The following OSBPL1A variants were observed in gnomAD, a reference collection of about 807,000 sequenced individuals.
OSBPL1A encodes oxysterol-binding protein-related protein 1.
A neutral mutation model predicts 137.1 loss-of-function variants in OSBPL1A; 80 were observed. That is an observed-to-expected ratio of 0.58 (90% CI 0.49 to 0.70). The LOEUF is 0.70. OSBPL1A is among the 30% of genes least tolerant of loss of function. The pLI is 0.00. For synonymous variants in OSBPL1A, 365 were observed against 389.7 expected, an observed-to-expected ratio of 0.94 and a Z score of 0.75; for missense variants, 970 against 1,129.4, an observed-to-expected ratio of 0.86 and a Z score of 2.02.
chr18:24,365,033 A>C (rs1599719082), intron 4 of OSBPL1A, among the ~76,000 whole-genome samples: 2 of 150,214 alleles, frequency 1.3e-5, no homozygotes, highest in Admixed American at 6.6e-5. Context: ...AACAAAAAAA[A>C]AAAAAAAAAA....
At chr18:24,211,865 C>G (rs1367911575) in intron 17 of OSBPL1A, among the ~76,000 whole-genome samples, 1 of 150,348 alleles carries the variant, frequency 6.7e-6, no homozygotes, top group East Asian at 2.0e-4. Flanking sequence ...CGGGAGATTG[C>G]ACCATTGCAC....
At chr18:24,176,831 C>G (rs1264908610) in intron 21 of OSBPL1A, among the ~76,000 whole-genome samples, 1 of 152,166 alleles carries the variant, frequency 6.6e-6, no homozygotes, top group Non-Finnish European at 1.5e-5. Flanking sequence ...TGGGTCATTT[C>G]AATGCATGTG....
Position 24,165,061 on chromosome 18 carries a change from G to C in OSBPL1A, c.2750+4C>G, listed in dbSNP as rs150125724. 6.2e-7 allele frequency: 1 copy of C among 1,613,996 alleles called. No individual in the cohort carries two copies. Among genetic ancestry groups the C allele is most frequent in the Non-Finnish European group, 8.5e-7 (1 of 1,179,966 alleles). ...CAGCCACACCCCCTGACTCAGGCAC[G>C]CACCTCGTCTTCCAGTCCTCTTCTG... On this transcript the variant is annotated splice_donor_region_variant and intron_variant, in intron 27 of 27. Transcript: ENST00000319481.
intron 1 of OSBPL1A, among the ~76,000 whole-genome samples, chr18:24,390,589 G>C (rs995945692): frequency 6.6e-6 from 1 of 150,744 alleles, no homozygotes; most frequent in African/African-American, 2.4e-5. Flanking sequence ...CAGCTACTGG[G>C]GAGGCTGAGG....
At chr18:24,174,150 T>G (rs1342254286) in intron 21 of OSBPL1A, among the ~76,000 whole-genome samples, 2 of 152,234 alleles carry the variant, frequency 1.3e-5, no homozygotes. Flanking sequence ...TGTGGGCTGT[T>G]TTCAGTTTTT....
chr18:24,184,269 T>C (rs2086686060), intron 18 of OSBPL1A, among the ~76,000 whole-genome samples: 2 of 152,192 alleles, frequency 1.3e-5, no homozygotes, highest in African/African-American at 4.8e-5. Flanking sequence ...AACCAATTTA[T>C]ACTGCCACCA....
intron 11 of OSBPL1A, among the ~76,000 whole-genome samples, chr18:24,316,223 T>A (rs937151913): frequency 6.6e-6 from 1 of 151,986 alleles, no homozygotes; most frequent in Non-Finnish European, 1.5e-5. Flanking sequence ...ATCGTGCCAC[T>A]GCCCTCCAGC....
In OSBPL1A at chr18:24,227,790, G is replaced by A. The variant is rs569309010; in HGVS notation, c.1445-2592C>T. 1.6e-4 allele frequency among the ~76,000 whole-genome samples: 25 copies of A among 151,664 alleles called. No individual in the cohort carries two copies. The South Asian group carries it at 4.8e-3, about 29-fold the overall frequency. On this transcript the variant is annotated intron_variant, in intron 16 of 27. Transcript: ENST00000319481. ...ACATTTTGAAGTTTGTTTCACTTGA[G>A]AAAAAAAATGTAAAAAATCAAAATA...
rs985299455 is a variant in OSBPL1A, at chr18:24,214,023, G to C, written c.1601+11019C>G. 5.9e-5 allele frequency among the ~76,000 whole-genome samples: 9 copies of C among 152,302 alleles called. 1 individual carries two copies. Among genetic ancestry groups the C allele is most frequent in the African/African-American group, 2.2e-4 (9 of 41,562 alleles). On this transcript the variant is annotated intron_variant, in intron 17 of 27. Coordinates refer to ENST00000319481, the MANE Select transcript of OSBPL1A (RefSeq NM_080597.4). ...AAGAAGATGTCATTTTAGGCAGCTG[G>C]ATTCCCTTACTATAGGCCTGCTTCA...
chr18:24,223,652 A>G (rs768051433), intron 17 of OSBPL1A, among the ~76,000 whole-genome samples: 1 of 152,174 alleles, frequency 6.6e-6, no homozygotes, highest in Non-Finnish European at 1.5e-5. Context: ...ATGGTATAAT[A>G]TAATTCTGTC....
At chr18:24,266,510 C>A (rs2089578242) in intron 15 of OSBPL1A, among the ~76,000 whole-genome samples, 1 of 151,892 alleles carries the variant, frequency 6.6e-6, no homozygotes, top group Non-Finnish European at 1.5e-5. Context: ...CATTCTTCTA[C>A]CACTCAAGAA....
At chr18:24,332,385 CAAAAAAAAA>C (rs71163675) in intron 7 of OSBPL1A, among the ~76,000 whole-genome samples, 1,075 of 52,972 alleles carry the variant, frequency 0.02, 10 homozygotes, top group African/African-American at 0.095. Context: ...GACTCTGTCT[CAAAAAAAAA>C]AAAAAAAAAA....
At chr18:24,338,076 TTTC>T (rs931878230) in intron 5 of OSBPL1A, among the ~76,000 whole-genome samples, 6 of 128,770 alleles carry the variant, frequency 4.7e-5, no homozygotes, top group African/African-American at 2.4e-4. Flanking sequence ...TTTCTTTTTC[TTTC>T]TTTTTTTTTT....
intron 24 of OSBPL1A, 142 bp from the exon 25 acceptor site, chr18:24,167,587 TC>T: frequency 2.9e-6 from 2 of 691,048 alleles, no homozygotes; most frequent in Non-Finnish European, 5.1e-6. Flanking sequence ...TGTATAGAAA[TC>T]TGCTATATGG....
At chr18:24,217,723 G>A (rs2087753679) in intron 17 of OSBPL1A, among the ~76,000 whole-genome samples, 1 of 152,148 alleles carries the variant, frequency 6.6e-6, no homozygotes, top group African/African-American at 2.4e-5. Context: ...GTGTCAGATT[G>A]TCAATGACTA....
chr18:24,246,040 T>C (rs545966414), intron 15 of OSBPL1A, among the ~76,000 whole-genome samples: 1 of 151,762 alleles, frequency 6.6e-6, no homozygotes, highest in East Asian at 2.0e-4. Context: ...CAAAACCCCA[T>C]CTCTACTAAA....
intron 14 of OSBPL1A, among the ~76,000 whole-genome samples, chr18:24,289,930 A>G (rs1486963270): frequency 6.6e-6 from 1 of 152,190 alleles, no homozygotes; most frequent in Non-Finnish European, 1.5e-5. Flanking sequence ...AACTTACAGT[A>G]TGGTTATATC....
intron 11 of OSBPL1A, among the ~76,000 whole-genome samples, chr18:24,316,710 C>A (rs1033158928): frequency 2.0e-5 from 3 of 152,050 alleles, no homozygotes; most frequent in African/African-American, 7.2e-5. Flanking sequence ...CTGATACAAC[C>A]ACTAGCCAAA....
At chr18:24,197,781 C>A (rs977675670) in intron 17 of OSBPL1A, among the ~76,000 whole-genome samples, 1 of 140,026 alleles carries the variant, frequency 7.1e-6, no homozygotes, top group Non-Finnish European at 1.6e-5. Flanking sequence ...TTGTTCTTTT[C>A]TTTTCTTTTT....
Sources: gnomAD v4.1 joint callset for allele counts (sites outside exome capture counted in the v4.1 genomes callset) on GRCh38, gnomAD v4.1.1 for gene constraint, MANE v1.5 for transcripts, NCBI Gene and HGNC (gene_info 2026-07-23, HGNC 2026-07-21) for gene names.